The following NR2C1 variants were observed in gnomAD, a reference collection of about 807,000 sequenced individuals.
The protein encoded by NR2C1 is nuclear receptor subfamily 2 group C member 1.
NR2C1 carries 33 observed loss-of-function variants against 74.8 expected under a neutral mutation model. That is an observed-to-expected ratio of 0.44 (90% CI 0.33 to 0.59). The LOEUF (loss-of-function observed/expected upper bound fraction) is 0.59. Ranked by LOEUF, NR2C1 falls within the 20% of genes least tolerant of loss-of-function variation. The probability of loss-of-function intolerance (pLI) is 0.02; values close to 1 mark genes in which losing one functional copy is unlikely to be tolerated. For missense variants in NR2C1, 568 were observed against 715.6 expected (o/e 0.79, Z 2.35); for synonymous variants, 225 against 240.6 (o/e 0.94, Z 0.60).
intron 12 of NR2C1, among the ~76,000 whole-genome samples, chr12:95,027,364 C>A (rs958273475): frequency 6.6e-6 from 1 of 152,168 alleles, no homozygotes; most frequent in Admixed American, 6.5e-5. Flanking sequence ...CAAGGTCTAT[C>A]ATATTATTTC....
At chr12:95,066,036 C>T (rs1875641731) in intron 2 of NR2C1, among the ~76,000 whole-genome samples, 1 of 151,596 alleles carries the variant, frequency 6.6e-6, no homozygotes, top group Admixed American at 6.6e-5. Context: ...TTTTTTTGTA[C>T]CCATTATAAC....
intron 12 of NR2C1, among the ~76,000 whole-genome samples, chr12:95,026,638 T>TA (rs1869400454): frequency 2.6e-5 from 4 of 152,210 alleles, no homozygotes; most frequent in Admixed American, 2.0e-4. Context: ...AATAGAGACA[T>TA]ACGTTACTAA....
chr12:95,040,405 A>G, intron 10 of NR2C1, 71 bp downstream of exon 10: 1 of 1,459,838 alleles, frequency 6.9e-7, no homozygotes, highest in Non-Finnish European at 9.3e-7. Flanking sequence ...TCTTCCCAAA[A>G]TAAAAAGTTT....
In NR2C1 at chr12:95,072,469, A is replaced by AG. The variant is rs1555214162; in HGVS notation, c.-8+910_-8+911insC. ...CCTCTCCCTCTCAAAAAAAAAAAAAAAAAAAGAAAAAAAAATCGAGTATCA... is the reference window on the plus strand; with the variant it reads ...CCTCTCCCTCTCAAAAAAAAAAAAAAGAAAAAGAAAAAAAAATCGAGTATCA... On this transcript the variant is annotated intron_variant, in intron 1 of 13. Coordinates refer to ENST00000333003, the MANE Select transcript of NR2C1 (RefSeq NM_003297.4). 9.3e-5 allele frequency among the ~76,000 whole-genome samples: 14 copies of AG among 150,718 alleles called. No homozygotes were observed. The East Asian group carries it at 1.4e-3, about 15-fold the overall frequency.
chr12:95,043,689 C>CAAAAAAAAAAAA lies in NR2C1; in HGVS notation c.1132-3104_1132-3093dup, dbSNP rs34229669. Among the ~76,000 whole-genome samples, 104 of 94,250 alleles carry CAAAAAAAAAAAA rather than the reference C, an allele frequency of 1.1e-3. 8 individuals carry two copies. Among genetic ancestry groups the CAAAAAAAAAAAA allele is most frequent in the African/African-American group, 3.6e-3 (89 of 24,984 alleles). 61.8% of individuals were successfully genotyped at this position (94,250 alleles called of 152,430 possible). A position where few individuals can be genotyped will look rare whatever the true frequency, so the allele number is the denominator to read the frequency against. On this transcript the variant is annotated intron_variant, in intron 9 of 13. Transcript: ENST00000333003. ...TGGGAGACAGAGCAAGACTCTGTCT[C>CAAAAAAAAAAAA]AAAAAAAAAAAAAATCCTTTGCAAA...
chr12:95,028,304 T>A (rs1162547742), intron 12 of NR2C1, 83 bp downstream of exon 12: 2 of 1,141,536 alleles, frequency 1.8e-6, no homozygotes, highest in Non-Finnish European at 1.2e-6. Flanking sequence ...CCATTTTACA[T>A]CCCCACTTGC....
chr12:95,066,244 G>A (rs1875679534), intron 2 of NR2C1, among the ~76,000 whole-genome samples: 1 of 152,184 alleles, frequency 6.6e-6, no homozygotes, highest in Admixed American at 6.5e-5. Context: ...CCTCACGCCT[G>A]TAATCCCAGC....
At chr12:95,043,056 A>G (rs934155595) in intron 9 of NR2C1, among the ~76,000 whole-genome samples, 2 of 151,796 alleles carry the variant, frequency 1.3e-5, no homozygotes, top group Non-Finnish European at 2.9e-5. Flanking sequence ...TGAACCTAGG[A>G]ATTTTGAGAC....
At position 95,062,293 on chromosome 12, in the gene NR2C1, C is replaced by T. The variant is rs867476765; in HGVS notation, c.285+215G>A. 3.3e-5 allele frequency among the ~76,000 whole-genome samples: 5 copies of T among 152,182 alleles called. No homozygotes were observed. The South Asian group carries it at 1.0e-3, about 32-fold the overall frequency. ...GCTACAATAGCCAGAGTGGATCTTA[C>T]TGTATGCAACAAAGAATCCCCAAAA... On this transcript the variant is annotated intron_variant, in intron 3 of 13. Coordinates refer to ENST00000333003, the MANE Select transcript of NR2C1 (RefSeq NM_003297.4).
At chr12:95,072,612 T>C (rs1325452013) in intron 1 of NR2C1, 1 of 152,144 alleles carries the variant, frequency 6.6e-6, no homozygotes, top group African/African-American at 2.4e-5. Flanking sequence ...TGCTTTCCGG[T>C]TACTTTTTTA....
intron 2 of NR2C1, among the ~76,000 whole-genome samples, chr12:95,066,308 C>T (rs1042501933): frequency 1.1e-4 from 17 of 152,180 alleles, no homozygotes; most frequent in Admixed American, 4.6e-4. Context: ...TCCAGACCAG[C>T]CTGGGCAACA....
chr12:95,026,201 C>T (rs904938585), intron 12 of NR2C1, among the ~76,000 whole-genome samples: 8 of 147,470 alleles, frequency 5.4e-5, no homozygotes, highest in East Asian at 3.9e-4. Flanking sequence ...AGTGAGACTC[C>T]GTCTCCAAAA....
At position 95,067,059 on chromosome 12, in the gene NR2C1, T is replaced by C. The variant is rs564042124; in HGVS notation, c.54+272A>G. 1.6e-4 allele frequency: 80 copies of C among 500,934 alleles called. 1 individual carries two copies. In the South Asian group the frequency reaches 2.0e-3, roughly 12 times the overall value. The allele number at this position is 500,934 out of a possible 1,614,324, so 31.0% of individuals were successfully genotyped here. ...CCCTCAAAAGCATTCCTACTCACTC[T>C]ACAGCTCTTTAATTTCTTTCCTTCC... On this transcript the variant is annotated intron_variant, in intron 2 of 13. Transcript: ENST00000333003.
At chr12:95,068,725 C>T (rs956388592) in intron 1 of NR2C1, among the ~76,000 whole-genome samples, 1 of 150,834 alleles carries the variant, frequency 6.6e-6, no homozygotes, top group African/African-American at 2.4e-5. Context: ...ACCTGGGAGG[C>T]GGAGGTTGCG....
rs991551959 is a variant in NR2C1, at chr12:95,058,552, G to A, written c.365-63C>T. ...TTATTTCAGAACAGAAATGACATAA[G>A]CCAATTTCTTCCCTTTAAACAACAT... On this transcript the variant is annotated intron_variant, in intron 4 of 13. Transcript: ENST00000333003. 20 of 1,317,436 alleles carry A rather than the reference G, an allele frequency of 1.5e-5. No homozygotes were observed. In the Admixed American group the frequency reaches 1.7e-4, roughly 11 times the overall value. 81.6% of individuals were successfully genotyped at this position (1,317,436 alleles called of 1,614,324 possible).
intron 1 of NR2C1, among the ~76,000 whole-genome samples, chr12:95,069,564 T>C (rs1876264539): frequency 6.6e-6 from 1 of 152,216 alleles, no homozygotes. Context: ...CCATTTAGTT[T>C]TGTGTAAGTA....
chr12:95,058,487 G>A lies in NR2C1; in HGVS notation c.367C>T (p.Arg123Cys). The A allele has an allele frequency of 6.2e-7, 1 of 1,603,484 alleles. No homozygotes were observed. Among genetic ancestry groups the A allele is most frequent in the Non-Finnish European group, 8.5e-7 (1 of 1,176,200 alleles). Residue 123 changes from arginine to cysteine, a missense_variant and splice_region_variant, in exon 5 of 14, where the codon CGT becomes TGT. Around this residue, in one of 6 missense-constraint regions of NR2C1, gnomAD observed 44 missense variants for 95.6 expected, o/e 0.46. Transcript: ENST00000333003. ...TCACAAGTTACTGCTCCATAATGAC[G>A]TCCTAGAGAGAAAATGTTTAAGAAA... ...CVVCGDKASGRHYGAVTCEGC... is the reference protein window; with the variant it reads ...CVVCGDKASGCHYGAVTCEGC...
chr12:95,057,253 C>T (rs376329715), intron 7 of NR2C1, among the ~76,000 whole-genome samples: 12 of 151,358 alleles, frequency 7.9e-5, no homozygotes, highest in East Asian at 3.9e-4. Context: ...TACAGGCATG[C>T]GCCACCACGC....
At chr12:95,041,212 G>C (rs770965744) in intron 9 of NR2C1, among the ~76,000 whole-genome samples, 1 of 152,202 alleles carries the variant, frequency 6.6e-6, no homozygotes, top group Non-Finnish European at 1.5e-5. Context: ...GGCAGGCCGG[G>C]TGTGGTGGCT....
Sources: allele counts gnomAD v4.1 joint callset (sites outside exome capture counted in the v4.1 genomes callset), GRCh38; gene constraint gnomAD v4.1.1; regional missense constraint gnomAD v4.1.1; transcripts MANE v1.5; gene names NCBI Gene and HGNC (gene_info 2026-07-23, HGNC 2026-07-21).